HECTD2: variants seen among roughly 807,000 people sequenced by gnomAD.
HECTD2 encodes the protein HECT domain E3 ubiquitin protein ligase 2, also known as probable E3 ubiquitin-protein ligase HECTD2.
In HECTD2, 35 loss-of-function variants were observed where a neutral mutation model predicts 103.2. The observed-to-expected ratio is 0.34, with a 90% CI of 0.26 to 0.45. The LOEUF (loss-of-function observed/expected upper bound fraction) is 0.45. Among genes scored for constraint, HECTD2 ranks in the 20% least tolerant of loss-of-function variants. The pLI, the probability that HECTD2 is intolerant of heterozygous loss-of-function variation, is 1.00. For synonymous variants in HECTD2, 281 were observed against 329.9 expected (o/e 0.85, Z 1.61); for missense variants, 596 against 937.4 (o/e 0.64, Z 4.76).
intron 20 of HECTD2, among the ~76,000 whole-genome samples, chr10:91,502,558 A>T (rs556152935): frequency 2.0e-5 from 3 of 152,196 alleles, no homozygotes; most frequent in African/African-American, 7.2e-5. Context: ...TATTTCTTCA[A>T]TAGTATTTAT....
At chr10:91,468,019 C>T (rs1214737431) in intron 5 of HECTD2, among the ~76,000 whole-genome samples, 1 of 152,198 alleles carries the variant, frequency 6.6e-6, no homozygotes, top group East Asian at 1.9e-4. Flanking sequence ...CACAAGCCCA[C>T]TCCTACTAGT....
chr10:91,480,277 A>C (rs1846045003), intron 6 of HECTD2, among the ~76,000 whole-genome samples: 1 of 152,142 alleles, frequency 6.6e-6, no homozygotes, highest in Non-Finnish European at 1.5e-5. Flanking sequence ...CAAGATTATA[A>C]AGCTCTAGGT....
chr10:91,461,464 T>C (rs533388561), intron 4 of HECTD2, 108 bp downstream of exon 4: 98 of 526,714 alleles, frequency 1.9e-4, no homozygotes, highest in South Asian at 9.0e-4. Context: ...CATGCATATA[T>C]TATGTATTGA....
chr10:91,483,642 TATC>T (rs1278786733), intron 8 of HECTD2, among the ~76,000 whole-genome samples: 2 of 151,906 alleles, frequency 1.3e-5, no homozygotes, highest in East Asian at 3.8e-4. Flanking sequence ...TGCAGTAAAT[TATC>T]ATTATTCATA....
At chr10:91,468,369 C>T (rs1433581306) in intron 5 of HECTD2, among the ~76,000 whole-genome samples, 1 of 152,106 alleles carries the variant, frequency 6.6e-6, no homozygotes, top group Non-Finnish European at 1.5e-5. Flanking sequence ...CAATCAAACC[C>T]ACAAATGCAT....
intron 5 of HECTD2, among the ~76,000 whole-genome samples, chr10:91,467,996 C>T (rs1271881876): frequency 2.0e-5 from 3 of 152,128 alleles, no homozygotes; most frequent in Non-Finnish European, 4.4e-5. Context: ...AGCTCAAGAG[C>T]ATGGAGCAAT....
At chr10:91,484,765 C>A in intron 9 of HECTD2, 110 bp downstream of exon 9, 3 of 773,454 alleles carry the variant, frequency 3.9e-6, no homozygotes, top group Non-Finnish European at 5.9e-6. Context: ...TAAACCATTT[C>A]TGTGAAGGAA....
Position 91,491,972 on chromosome 10 carries a change from A to G in HECTD2, c.1300-380A>G, listed in dbSNP as rs192162763. ...CCATACTCCTACCTCAGCCTCCCAA[A>G]TAGTTGGGATTACCAGCTCATGCTA... On this transcript the variant is annotated intron_variant, in intron 12 of 20. Coordinates refer to ENST00000298068, the MANE Select transcript of HECTD2 (RefSeq NM_182765.6). 1.4e-3 allele frequency among the ~76,000 whole-genome samples: 217 copies of G among 152,204 alleles called. 3 individuals carry two copies. Among genetic ancestry groups the G allele is most frequent in the Middle Eastern group, 6.8e-3 (2 of 294 alleles).
chr10:91,483,130 G>A (rs951981693), intron 8 of HECTD2, 54 bp downstream of exon 8: 2 of 719,602 alleles, frequency 2.8e-6, no homozygotes, highest in South Asian at 1.8e-5. Context: ...TTTAAGTTTG[G>A]TATTAGTAAT....
In HECTD2 at chr10:91,502,612, A is replaced by G. The variant is rs548281985; in HGVS notation, c.2210+1278A>G. ...TTTAAAACACAAAATAAATATTTAC[A>G]TATATAATTAAATTTCTAAACAAAA... is the stretch of plus-strand genomic sequence containing the variant. On this transcript the variant is annotated intron_variant, in intron 20 of 20. Coordinates refer to ENST00000298068, the MANE Select transcript of HECTD2 (RefSeq NM_182765.6). Among the ~76,000 whole-genome samples the G allele has an allele frequency of 1.1e-4, 16 of 152,250 alleles. No individual in the cohort carries two copies. In the South Asian group the frequency reaches 3.1e-3, roughly 30 times the overall value.
intron 2 of HECTD2, among the ~76,000 whole-genome samples, chr10:91,429,894 T>C (rs1843760544): frequency 6.6e-6 from 1 of 152,198 alleles, no homozygotes; most frequent in Non-Finnish European, 1.5e-5. Context: ...TCTGCTCTGA[T>C]TTTAGTTATT....
At chr10:91,446,275 CCTT>C (rs1844612589) in intron 2 of HECTD2, among the ~76,000 whole-genome samples, 1 of 139,252 alleles carries the variant, frequency 7.2e-6, no homozygotes, top group South Asian at 2.6e-4. Context: ...GCAGACCTTT[CCTT>C]CTAACTGTTA....
intron 1 of HECTD2, among the ~76,000 whole-genome samples, chr10:91,420,812 A>G (rs560014002): frequency 1.3e-5 from 2 of 152,290 alleles, no homozygotes; most frequent in African/African-American, 4.8e-5. Context: ...GGAAGCATCA[A>G]TGTCCATCAT....
At chr10:91,505,512 A>G (rs1254520848) in intron 20 of HECTD2, among the ~76,000 whole-genome samples, 3 of 151,942 alleles carry the variant, frequency 2.0e-5, no homozygotes, top group African/African-American at 7.3e-5. Flanking sequence ...AACAAAGATC[A>G]AAAGAGACAA....
At chr10:91,427,006 C>T (rs189984603) in intron 2 of HECTD2, among the ~76,000 whole-genome samples, 6,950 of 103,842 alleles carry the variant, frequency 0.067, 648 homozygotes, top group African/African-American at 0.21. Flanking sequence ...CCCCCTCCCC[C>T]CACCCCACAA....
intron 2 of HECTD2, among the ~76,000 whole-genome samples, chr10:91,460,039 G>A (rs1845276623): frequency 6.6e-6 from 1 of 152,094 alleles, no homozygotes; most frequent in Non-Finnish European, 1.5e-5. Context: ...TAAGCAATGT[G>A]TGACTATGTT....
chr10:91,420,000 T>A (rs1843286600), intron 1 of HECTD2, among the ~76,000 whole-genome samples: 1 of 152,238 alleles, frequency 6.6e-6, no homozygotes, highest in Non-Finnish European at 1.5e-5. Context: ...CAGTAACTTC[T>A]TGATTTGATT....
At chr10:91,490,919 AGAG>A (rs1444767148) in intron 11 of HECTD2, among the ~76,000 whole-genome samples, 2 of 149,464 alleles carry the variant, frequency 1.3e-5, no homozygotes, top group Non-Finnish European at 3.0e-5. Flanking sequence ...AAAAAAAAAA[AGAG>A]ATGAGACATA....
At chr10:91,417,059 G>A (rs1477562571) in intron 1 of HECTD2, among the ~76,000 whole-genome samples, 3 of 152,214 alleles carry the variant, frequency 2.0e-5, no homozygotes, top group Admixed American at 2.0e-4. Flanking sequence ...TTGAAGAAGA[G>A]TAGAGAAAGA....
Sources: allele counts gnomAD v4.1 joint callset (sites outside exome capture counted in the v4.1 genomes callset), GRCh38; gene constraint gnomAD v4.1.1; transcripts MANE v1.5; gene names NCBI Gene and HGNC (gene_info 2026-07-23, HGNC 2026-07-21).